Variants in WDR62 observed in about 807,000 individuals in gnomAD.
WDR62 encodes the protein WD repeat-containing protein 62.
Under a neutral mutation model 160.6 loss-of-function variants are expected in WDR62, and 112 were observed. The observed-to-expected ratio is 0.70, with a 90% CI of 0.60 to 0.82. The LOEUF (loss-of-function observed/expected upper bound fraction) is 0.82. Ranked by LOEUF, WDR62 falls within the 40% of genes least tolerant of loss-of-function variation. The probability of loss-of-function intolerance (pLI) is 0.00; values close to 1 mark genes in which losing one functional copy is unlikely to be tolerated. For synonymous variants in WDR62, 792 were observed against 815.1 expected (o/e 0.97, Z 0.48); for missense variants, 1,819 against 1,983.8 (o/e 0.92, Z 1.58).
chr19:36,080,116 T>G (rs1363505261), intron 9 of WDR62, among the ~76,000 whole-genome samples: 1 of 52,852 alleles, frequency 1.9e-5, no homozygotes, highest in Non-Finnish European at 5.0e-5. Context: ...TTTTTTATTA[T>G]TTTTTTTTTG....
intron 7 of WDR62, among the ~76,000 whole-genome samples, chr19:36,068,283 C>A (rs1338223339): frequency 5.3e-5 from 8 of 152,200 alleles, no homozygotes; most frequent in Non-Finnish European, 5.9e-5. Flanking sequence ...AGTTGTTTTC[C>A]CATGACTATT....
intron 22 of WDR62, among the ~76,000 whole-genome samples, chr19:36,100,432 C>CT (rs1299678987): frequency 6.6e-6 from 1 of 152,204 alleles, no homozygotes; most frequent in Non-Finnish European, 1.5e-5. Context: ...CCCTTCTGCC[C>CT]TTCCCAGTCA....
downstream of WDR62, among the ~76,000 whole-genome samples, chr19:36,108,239 C>A (rs927653207): frequency 4.6e-5 from 7 of 152,126 alleles, no homozygotes; most frequent in Non-Finnish European, 1.5e-5. Context: ...TGCATAGAAG[C>A]CCAGGTGACC....
intron 1 of WDR62, 98 bp from the exon 2 acceptor site, chr19:36,058,682 G>T: frequency 1.2e-6 from 1 of 857,120 alleles, no homozygotes; most frequent in Non-Finnish European, 2.0e-6. Context: ...CTCAGTGTGG[G>T]TGTTGAATGT....
At chr19:36,065,740 G>A (rs1970901397) in intron 3 of WDR62, among the ~76,000 whole-genome samples, 1 of 152,216 alleles carries the variant, frequency 6.6e-6, no homozygotes, top group African/African-American at 2.4e-5. Context: ...TGGTGTCTCA[G>A]GGCGGAAGGG....
intron 21 of WDR62, among the ~76,000 whole-genome samples, chr19:36,099,001 C>T (rs1454533386): frequency 6.6e-6 from 1 of 152,048 alleles, no homozygotes; most frequent in African/African-American, 2.4e-5. Context: ...GCGGGCGGAT[C>T]ACTTGAGGTC....
rs1230198560 is a variant in WDR62 at position 36,089,066 on chromosome 19, T to C, written c.1797T>C (p.Cys599=). The change falls in exon 14 of 32, where the codon TGT becomes TGC. Residue 599 remains cysteine, a synonymous_variant. Coordinates refer to ENST00000401500, the MANE Select transcript of WDR62 (RefSeq NM_001083961.2). ...AGNRDIQMIS[C]GADKSIYFRS... Reference sequence around the variant, plus strand: ...ACAGAGACATCCAGATGATCAGCTGTGGGGCTGACAAGAGCATCTACTTTC... The same window carrying C: ...ACAGAGACATCCAGATGATCAGCTGCGGGGCTGACAAGAGCATCTACTTTC... 1.9e-6 allele frequency: 3 copies of C among 1,613,998 alleles called. No individual in the cohort carries two copies. Among genetic ancestry groups the C allele is most frequent in the Non-Finnish European group, 2.5e-6 (3 of 1,179,976 alleles).
intron 9 of WDR62, among the ~76,000 whole-genome samples, chr19:36,079,960 G>C (rs971687057): frequency 1.3e-5 from 2 of 152,038 alleles, no homozygotes; most frequent in African/African-American, 4.8e-5. Flanking sequence ...CATCTTCCCA[G>C]TTCTCAATCT....
chr19:36,058,970 C>A, intron 2 of WDR62, 99 bp downstream of exon 2: 1 of 1,006,348 alleles, frequency 9.9e-7, no homozygotes, highest in Non-Finnish European at 1.5e-6. Flanking sequence ...ATATTTTTCA[C>A]CTGTAGAATG....
At chr19:36,090,577 G>A (rs1452059940) in intron 16 of WDR62, 57 bp downstream of exon 16, 14 of 1,518,756 alleles carry the variant, frequency 9.2e-6, no homozygotes, top group African/African-American at 5.5e-5. Flanking sequence ...CTATTGTGAC[G>A]GCCCACACCT....
chr19:36,090,453 A>G lies in WDR62; in HGVS notation c.1967A>G (p.Asn656Ser), dbSNP rs1190965687. ...ACQDRNVRVY[N>S]TVNGKQKKCY... ...TGCCCCTACTTCCCCAGAGTCTACA[A>G]CACTGTGAACGGGAAGCAGAAGAAG... Residue 656 changes from asparagine to serine, a missense_variant, in exon 16 of 32, where the codon AAC becomes AGC. Coordinates refer to ENST00000401500, the MANE Select transcript of WDR62 (RefSeq NM_001083961.2). The G allele has an allele frequency of 1.9e-6, 3 of 1,613,986 alleles. No homozygotes were observed. The highest frequency in any genetic ancestry group is 2.5e-6 in the Non-Finnish European group (3 of 1,179,988).
intron 9 of WDR62, among the ~76,000 whole-genome samples, chr19:36,076,871 A>G (rs1047964070): frequency 2.0e-5 from 3 of 152,202 alleles, no homozygotes; most frequent in Non-Finnish European, 4.4e-5. Context: ...CTATATTTAC[A>G]GGATCTGAAT....
rs149791911 is a variant in WDR62, at chr19:36,087,783, C to T, written c.1768+971C>T. Among the ~76,000 whole-genome samples, 198 of 152,198 alleles carry T rather than the reference C, an allele frequency of 1.3e-3. 1 individual carries two copies. The highest frequency in any genetic ancestry group is 4.6e-3 in the African/African-American group (192 of 41,538). On this transcript the variant is annotated intron_variant, in intron 13 of 31. Transcript: ENST00000401500. ...GCAGTGAGCCAAAATTGTTTCACTG[C>T]ACTCCAGTCTGGGTAACAAGAGCAA...
chr19:36,102,536 C>T, intron 26 of WDR62: 1 of 613,492 alleles, frequency 1.6e-6, no homozygotes, highest in East Asian at 2.8e-5. Context: ...GCTGGGATTA[C>T]AGGCGTGAGC....
At chr19:36,088,437 A>G (rs1424573172) in intron 13 of WDR62, among the ~76,000 whole-genome samples, 2 of 152,242 alleles carry the variant, frequency 1.3e-5, no homozygotes, top group African/African-American at 4.8e-5. Flanking sequence ...ACGGACCGGA[A>G]GTTGAGGCTC....
At chr19:36,082,948 C>T (rs1318952568) in intron 10 of WDR62, 115 bp from the exon 11 acceptor site, 2 of 892,800 alleles carry the variant, frequency 2.2e-6, no homozygotes, top group Admixed American at 2.0e-5. Context: ...GGTGAAACTC[C>T]CAGCTCAAAA....
chr19:36,084,701 T>C lies in WDR62; in HGVS notation c.1599T>C (p.His533=). ...FMDELVKVEA[H]DAEVLCLEYS... ...ACGAGCTGGTCAAGGTGGAGGCCCA[T>C]GATGCTGAGGTGCTGTGCCTGGAGT... The change falls in exon 12 of 32, where the codon CAT becomes CAC. Residue 533 remains histidine (H), a synonymous_variant. Transcript: ENST00000401500. The C allele has an allele frequency of 6.2e-7, 1 of 1,613,658 alleles. No homozygotes were observed. Among genetic ancestry groups the C allele is most frequent in the South Asian group, 1.1e-5 (1 of 91,050 alleles).
intron 1 of WDR62, 89 bp downstream of exon 1, chr19:36,055,237 C>T (rs1047812326): frequency 4.6e-5 from 66 of 1,445,322 alleles, no homozygotes; most frequent in Non-Finnish European, 5.3e-5. Context: ...CCGACATCAG[C>T]CCCCGGCCAG....
intron 9 of WDR62, among the ~76,000 whole-genome samples, chr19:36,077,018 G>T (rs1971609207): frequency 6.6e-6 from 1 of 151,848 alleles, no homozygotes. Context: ...ATGACATCAA[G>T]TTCACCATTT....
Sources: allele counts gnomAD v4.1 joint callset (sites outside exome capture counted in the v4.1 genomes callset), GRCh38; gene constraint gnomAD v4.1.1; transcripts MANE v1.5; gene names NCBI Gene and HGNC (gene_info 2026-07-23, HGNC 2026-07-21).